GLMN: variants seen among roughly 807,000 people sequenced by gnomAD.
The protein encoded by GLMN is glomulin, FKBP associated protein, also known as glomulin.
In GLMN, 75 loss-of-function variants were observed where a neutral mutation model predicts 87.8. The observed-to-expected ratio is 0.85, with a 90% CI of 0.71 to 1.04. The LOEUF is 1.04. Ranked by LOEUF, GLMN falls within the 50% of genes least tolerant of loss-of-function variation. The pLI is 0.00. For synonymous variants in GLMN, 206 were observed against 221.6 expected, an observed-to-expected ratio of 0.93 and a Z score of 0.63; for missense variants, 588 against 658.8, an observed-to-expected ratio of 0.89 and a Z score of 1.18.
the GLMN span, among the ~76,000 whole-genome samples, chr1:92,305,911 A>G: frequency 2.0e-5 from 3 of 152,208 alleles, no homozygotes; most frequent in East Asian, 3.8e-4. Context: ...CACATTCTCT[A>G]TAATTAAGCC....
At chr1:92,351,981 G>T in the GLMN span, among the ~76,000 whole-genome samples, 2 of 152,036 alleles carry the variant, frequency 1.3e-5, no homozygotes, top group African/African-American at 4.8e-5. Flanking sequence ...GAATTATTTG[G>T]TTATCCAATG....
the GLMN span, among the ~76,000 whole-genome samples, chr1:92,357,538 T>G: frequency 6.6e-6 from 1 of 152,136 alleles, no homozygotes; most frequent in Non-Finnish European, 1.5e-5. Context: ...ACTGATGGAT[T>G]TTTTTTGTTT....
the GLMN span, among the ~76,000 whole-genome samples, chr1:92,340,405 AGTAACTATT>A: frequency 1.1e-4 from 17 of 152,240 alleles, no homozygotes; most frequent in Admixed American, 1.1e-3. Context: ...TATTGATGAC[AGTAACTATT>A]GTTGAGAAAT....
intron 8 of GLMN, among the ~76,000 whole-genome samples, chr1:92,271,050 T>C (rs1301600348): frequency 6.6e-6 from 1 of 152,206 alleles, no homozygotes; most frequent in East Asian, 1.9e-4. Flanking sequence ...AAGGGACTTC[T>C]TTTAAGGCTT....
At chr1:92,280,245 T>A (rs990149826) in intron 7 of GLMN, among the ~76,000 whole-genome samples, 3 of 152,160 alleles carry the variant, frequency 2.0e-5, no homozygotes, top group Admixed American at 2.0e-4. Context: ...CGGGTGCCCC[T>A]CTGGGACAAA....
At chr1:92,352,026 T>C in the GLMN span, among the ~76,000 whole-genome samples, 9 of 152,296 alleles carry the variant, frequency 5.9e-5, no homozygotes, top group Middle Eastern at 3.4e-3. Context: ...TCAGAAAGGA[T>C]AGAGGATAAA....
chr1:92,252,495 C>T (rs1653649195), intron 16 of GLMN, among the ~76,000 whole-genome samples: 1 of 152,162 alleles, frequency 6.6e-6, no homozygotes, highest in Non-Finnish European at 1.5e-5. Flanking sequence ...AAAACCTTAG[C>T]TGTTTTCAAT....
chr1:92,297,733 G>A, intron 2 of GLMN: 1 of 632,746 alleles, frequency 1.6e-6, no homozygotes, highest in Non-Finnish European at 2.8e-6. Context: ...TACTGTACCA[G>A]TGAAATCTAT....
At chr1:92,269,308 AG>A (rs1433113058) in intron 9 of GLMN, among the ~76,000 whole-genome samples, 1 of 152,050 alleles carries the variant, frequency 6.6e-6, no homozygotes, top group Non-Finnish European at 1.5e-5. Flanking sequence ...AAAAGGTGGA[AG>A]TCAAGACACC....
chr1:92,347,877 G>A, the GLMN span, among the ~76,000 whole-genome samples: 1 of 152,006 alleles, frequency 6.6e-6, no homozygotes, highest in Non-Finnish European at 1.5e-5. Context: ...ACATTTTACT[G>A]TAGTGTATCG....
chr1:92,369,061 A>G, the GLMN span, among the ~76,000 whole-genome samples: 20 of 152,250 alleles, frequency 1.3e-4, no homozygotes, highest in Admixed American at 9.8e-4. Context: ...AGCCATCTTA[A>G]GTGTCACCTT....
chr1:92,370,723 G>A, the GLMN span, among the ~76,000 whole-genome samples: 1 of 152,010 alleles, frequency 6.6e-6, no homozygotes, highest in Admixed American at 6.6e-5. Flanking sequence ...ACACGGGGGT[G>A]GGGGCTTTGG....
chr1:92,298,810 G>A, intron 1 of GLMN, 115 bp downstream of exon 1: 1 of 371,680 alleles, frequency 2.7e-6, no homozygotes, highest in Non-Finnish European at 4.8e-6. Flanking sequence ...GCTCGCCTAG[G>A]TGGGCAGGCT....
the GLMN span, among the ~76,000 whole-genome samples, chr1:92,309,776 GA>G: frequency 6.6e-6 from 1 of 152,176 alleles, no homozygotes. Context: ...GCAAAAGTGA[GA>G]AAATAAACTT....
the GLMN span, among the ~76,000 whole-genome samples, chr1:92,341,526 C>T: frequency 4.6e-5 from 7 of 152,164 alleles, no homozygotes; most frequent in African/African-American, 1.7e-4. Context: ...TATTTGTGTT[C>T]TCTCCAGTGC....
At chr1:92,248,093 T>G in intron 16 of GLMN, 104 bp from the exon 17 acceptor site, 2 of 691,370 alleles carry the variant, frequency 2.9e-6, no homozygotes, top group Non-Finnish European at 5.3e-6. Flanking sequence ...AACATGGCCC[T>G]TGCTTTTCAC....
At chr1:92,304,004 A>T in the GLMN span, 2 of 1,612,600 alleles carry the variant, frequency 1.2e-6, no homozygotes, top group Non-Finnish European at 1.7e-6. Context: ...TGCTCACTAC[A>T]GTGATGTCGT....
At chr1:92,301,850 G>T (rs1357527442), upstream of GLMN, among the ~76,000 whole-genome samples, 1 of 152,164 alleles carries the variant, frequency 6.6e-6, no homozygotes, top group Non-Finnish European at 1.5e-5. Flanking sequence ...AATAAGAGTG[G>T]ATTTCAAATG....
intron 3 of GLMN, among the ~76,000 whole-genome samples, chr1:92,297,096 G>A (rs1002610496): frequency 1.3e-5 from 2 of 148,652 alleles, no homozygotes; most frequent in African/African-American, 5.0e-5. Context: ...AAACCTTCAA[G>A]TATATGACTG....
Sources: allele counts gnomAD v4.1 joint callset (sites outside exome capture counted in the v4.1 genomes callset), GRCh38; gene constraint gnomAD v4.1.1; transcripts MANE v1.5; gene names NCBI Gene and HGNC (gene_info 2026-07-23, HGNC 2026-07-21).